Variants in TBP observed in about 807,000 individuals in gnomAD.
TBP encodes the protein TATA-box-binding protein.
A neutral mutation model predicts 46.2 loss-of-function variants in TBP; 12 were observed. The observed-to-expected ratio is 0.26, with a 90% CI of 0.17 to 0.42. The LOEUF (loss-of-function observed/expected upper bound fraction) is 0.42. TBP is among the 10% of genes least tolerant of loss of function. The pLI, the probability that TBP is intolerant of heterozygous loss-of-function variation, is 1.00. For missense variants in TBP, 229 were observed against 403.1 expected (o/e 0.57, Z 3.70); for synonymous variants, 157 against 148.3 (o/e 1.06, Z -0.42).
chr6:170,557,680 G>A (rs1779054246), intron 2 of TBP, among the ~76,000 whole-genome samples: 2 of 136,796 alleles, frequency 1.5e-5, no homozygotes, highest in South Asian at 2.4e-4. Flanking sequence ...AGGTTGCAGT[G>A]AGCAGAGGTC....
chr6:170,558,945 A>G (rs899818974), intron 2 of TBP, among the ~76,000 whole-genome samples: 3 of 152,204 alleles, frequency 2.0e-5, no homozygotes, highest in Non-Finnish European at 4.4e-5. Flanking sequence ...TTGGCCTCCC[A>G]AAGTGTTGGG....
Position 170,566,997 on chromosome 6 carries a change from C to T in TBP, c.665C>T (p.Thr222Ile). The T allele has an allele frequency of 6.2e-7, 1 of 1,613,266 alleles. No individual in the cohort carries two copies. The highest frequency in any genetic ancestry group is 8.5e-7 in the Non-Finnish European group (1 of 1,179,628). Reference protein sequence around the residue: ...LIFSSGKMVCTGAKSEEQSRL... With the variant: ...LIFSSGKMVCIGAKSEEQSRL... ...TTCAGTTCTGGGAAAATGGTGTGCA[C>T]AGGAGCCAAGAGGTAGCCGTAAGAA... The change falls in exon 5 of 8, where the codon ACA (threonine) becomes ATA (isoleucine). Residue 222 changes from threonine to isoleucine, a missense_variant. Transcript: ENST00000392092.
chr6:170,563,462 A>C (rs1779186102), intron 3 of TBP, among the ~76,000 whole-genome samples: 1 of 152,218 alleles, frequency 6.6e-6, no homozygotes, highest in Non-Finnish European at 1.5e-5. Flanking sequence ...TACATTTAAC[A>C]ATTATGTGAC....
rs1779315888 is a variant in TBP at position 170,568,805 on chromosome 6, C to CT, written c.678-804dup. Among the ~76,000 whole-genome samples, 3 of 64,378 alleles carry CT rather than the reference C, an allele frequency of 4.7e-5. 1 individual carries two copies. Among genetic ancestry groups the CT allele is most frequent in the African/African-American group, 2.5e-4 (3 of 12,228 alleles). The allele number at this position is 64,378 out of a possible 152,430, so 42.2% of individuals were successfully genotyped here. On this transcript the variant is annotated intron_variant, in intron 5 of 7. Transcript: ENST00000392092. ...TTTTCTTTTTTTCTCTTCTTTCTTT[C>CT]TTTCCTTTTCTTTTTTTTTTTTTTT...
At chr6:170,559,999 A>G (rs1779112063) in intron 2 of TBP, among the ~76,000 whole-genome samples, 1 of 152,226 alleles carries the variant, frequency 6.6e-6, no homozygotes, top group South Asian at 2.1e-4. Context: ...TTACAGCATG[A>G]TTTACTGGAT....
At position 170,562,067 on chromosome 6, in the gene TBP, A is replaced by G. The variant is rs201331220; in HGVS notation, c.331A>G (p.Thr111Ala). 1 of 1,613,948 alleles carries G rather than the reference A, an allele frequency of 6.2e-7. No homozygotes were observed. The highest frequency in any genetic ancestry group is 1.7e-5 in the Admixed American group (1 of 60,002). The stretch of plus-strand genomic sequence containing the variant: ...TCAGCAGTCAACGTCCCAGCAGGCA[A>G]CACAGGGAACCTCAGGCCAGGCACC... Reference protein sequence around the residue: ...AVQQSTSQQATQGTSGQAPQL... With the variant: ...AVQQSTSQQAAQGTSGQAPQL... Residue 111 changes from threonine to alanine, a missense_variant, in exon 3 of 8, where the codon ACA becomes GCA. Physicochemically the swap from Thr to Ala is moderately conservative, Grantham distance 58. Transcript: ENST00000392092.
At chr6:170,572,138 A>G (rs1357844760) in intron 7 of TBP, 48 bp from the exon 8 acceptor site, 1 of 1,411,962 alleles carries the variant, frequency 7.1e-7, no homozygotes, top group Admixed American at 1.7e-5. Flanking sequence ...TAATATGTTA[A>G]GAAGTGCCAT....
chr6:170,556,939 G>A lies in TBP; in HGVS notation c.-91G>A, dbSNP rs1429356349. On this transcript the variant is annotated 5_prime_UTR_variant, in exon 2 of 8. Coordinates refer to ENST00000392092, the MANE Select transcript of TBP (RefSeq NM_003194.5). ...AAGGAATTGAGGAAGTTGCTGAGAAGAGTGTGCTGGAGATGCTCTAGGAAA... is the reference window on the plus strand; with the variant it reads ...AAGGAATTGAGGAAGTTGCTGAGAAAAGTGTGCTGGAGATGCTCTAGGAAA... The A allele has an allele frequency of 1.1e-5, 13 of 1,168,132 alleles. No individual in the cohort carries two copies. Among genetic ancestry groups the A allele is most frequent in the Non-Finnish European group, 1.7e-5 (13 of 784,324 alleles). 72.4% of individuals were successfully genotyped at this position (1,168,132 alleles called of 1,614,324 possible). A position where few individuals can be genotyped will look rare whatever the true frequency, so the allele number is the denominator to read the frequency against.
intron 5 of TBP, among the ~76,000 whole-genome samples, chr6:170,568,619 T>C (rs1779309910): frequency 6.6e-6 from 1 of 151,008 alleles, no homozygotes; most frequent in Admixed American, 6.6e-5. Flanking sequence ...CATGCCTGGC[T>C]AATTTTTGTA....
chr6:170,560,639 G>C (rs1779123141), intron 2 of TBP, among the ~76,000 whole-genome samples: 1 of 152,198 alleles, frequency 6.6e-6, no homozygotes, highest in Admixed American at 6.5e-5. Flanking sequence ...TAAGAGTTTG[G>C]AAGAGGTTGA....
At chr6:170,569,895 T>C in intron 6 of TBP, 116 bp downstream of exon 6, 2 of 946,818 alleles carry the variant, frequency 2.1e-6, no homozygotes, top group Non-Finnish European at 3.0e-6. Context: ...GACATGGTTA[T>C]AGTTGTATGT....
chr6:170,571,403 C>T lies in TBP; in HGVS notation c.846-7C>T, dbSNP rs1381075495. 6.2e-7 allele frequency: 1 copy of T among 1,607,378 alleles called. No homozygotes were observed. The highest frequency in any genetic ancestry group is 8.5e-7 in the Non-Finnish European group (1 of 1,176,596). ...GATTTCTAAACTTTTTGCAATTTTC[C>T]TTCTAGTTATGAGCCAGAGTTATTT... On this transcript the variant is annotated splice_polypyrimidine_tract_variant and splice_region_variant and intron_variant, in intron 6 of 7. Transcript: ENST00000392092.
chr6:170,562,953 G>C (rs570948371), intron 3 of TBP, among the ~76,000 whole-genome samples: 1 of 152,098 alleles, frequency 6.6e-6, no homozygotes, highest in South Asian at 2.1e-4. Context: ...TTTAGATCTA[G>C]TATTTCCTAT....
At chr6:170,568,810 CTTTT>C (rs1431400515) in intron 5 of TBP, among the ~76,000 whole-genome samples, 1 of 26,150 alleles carries the variant, frequency 3.8e-5, no homozygotes, top group African/African-American at 3.3e-4. Context: ...TCTTTCTTTC[CTTTT>C]CTTTTTTTTT....
rs1779157568 is a variant in TBP at position 170,562,012 on chromosome 6, GCA to G, written c.277_278del (p.Gln93AlafsTer84). 1 of 1,592,044 alleles carries G rather than the reference GCA, an allele frequency of 6.3e-7. No homozygotes were observed. The highest frequency in any genetic ancestry group is 8.6e-7 in the Non-Finnish European group (1 of 1,167,684). ...QQQQQQQQQQ[Q>X]QQAVAAAAVQ... ...AGCAGCAGCAGCAGCAGCAGCAGCA[GCA>G]GCAACAGGCAGTGGCAGCTGCAGCC... On this transcript the variant is annotated frameshift_variant, in exon 3 of 8. Transcript: ENST00000392092. LOFTEE classifies it high-confidence loss of function.
intron 4 of TBP, among the ~76,000 whole-genome samples, chr6:170,566,035 C>T (rs1223758685): frequency 6.6e-6 from 1 of 151,796 alleles, no homozygotes; most frequent in Admixed American, 6.6e-5. Context: ...GATTGCACCA[C>T]TGCACTCCAG....
chr6:170,556,279 G>A (rs183849030), intron 1 of TBP, among the ~76,000 whole-genome samples: 1 of 152,094 alleles, frequency 6.6e-6, no homozygotes, highest in African/African-American at 2.4e-5. Flanking sequence ...AGAAAAGTCA[G>A]ATAACAGGCA....
intron 4 of TBP, among the ~76,000 whole-genome samples, chr6:170,565,907 A>C (rs1389739129): frequency 6.6e-6 from 1 of 152,046 alleles, no homozygotes; most frequent in Non-Finnish European, 1.5e-5. Flanking sequence ...GCCTTGTTTC[A>C]TCAGAAAATT....
In TBP at chr6:170,568,493, C is replaced by T. The variant is rs139491247; in HGVS notation, c.678-1119C>T. ...GTTTTTGAGATGGAGTCTCGCTCTG[C>T]GCCCAGGCTGGAGTGCAGTGGCATG... On this transcript the variant is annotated intron_variant, in intron 5 of 7. Transcript: ENST00000392092. 7.8e-4 allele frequency among the ~76,000 whole-genome samples: 118 copies of T among 152,180 alleles called. 1 individual carries two copies. The highest frequency in any genetic ancestry group is 2.4e-3 in the African/African-American group (101 of 41,542).
Sources: allele counts gnomAD v4.1 joint callset (sites outside exome capture counted in the v4.1 genomes callset), GRCh38; gene constraint gnomAD v4.1.1; transcripts MANE v1.5; gene names NCBI Gene and HGNC (gene_info 2026-07-23, HGNC 2026-07-21).